The following MYO9A variants were observed in gnomAD, a reference collection of about 807,000 sequenced individuals.
MYO9A encodes myosin IXA.
Under a neutral mutation model 293.3 loss-of-function variants are expected in MYO9A, and 103 were observed. That is an observed-to-expected ratio of 0.35 (90% confidence interval 0.30 to 0.41). The LOEUF is 0.41. MYO9A is among the 10% of genes least tolerant of loss of function. The pLI, the probability that MYO9A is intolerant of heterozygous loss-of-function variation, is 1.00. For missense variants in MYO9A, 2,685 were observed against 3,033.0 expected, an observed-to-expected ratio of 0.89 and a Z score of 2.69; for synonymous variants, 1,001 against 1,035.7, an observed-to-expected ratio of 0.97 and a Z score of 0.64.
intron 39 of MYO9A, among the ~76,000 whole-genome samples, chr15:71,839,029 G>A (rs1404706161): frequency 6.6e-6 from 1 of 152,058 alleles, no homozygotes; most frequent in East Asian, 1.9e-4. Flanking sequence ...GCTTCTTTCT[G>A]GCTTGTTTTC....
At chr15:71,973,291 C>T (rs969566899) in intron 12 of MYO9A, among the ~76,000 whole-genome samples, 4 of 152,214 alleles carry the variant, frequency 2.6e-5, no homozygotes, top group East Asian at 1.9e-4. Context: ...TCTGACCAAC[C>T]AGCTTCTCCT....
intron 1 of MYO9A, among the ~76,000 whole-genome samples, chr15:72,078,929 C>A (rs1279983850): frequency 1.3e-5 from 2 of 152,028 alleles, no homozygotes; most frequent in African/African-American, 4.8e-5. Flanking sequence ...AAAACTATGG[C>A]GACAGCAAGA....
chr15:71,930,495 T>A (rs574183500), intron 18 of MYO9A, among the ~76,000 whole-genome samples: 2 of 152,116 alleles, frequency 1.3e-5, no homozygotes, highest in African/African-American at 2.4e-5. Flanking sequence ...CTTTATTTTG[T>A]CTGTTATAAG....
At chr15:71,989,920 T>C (rs934153317) in intron 11 of MYO9A, among the ~76,000 whole-genome samples, 2 of 151,724 alleles carry the variant, frequency 1.3e-5, no homozygotes, top group Non-Finnish European at 2.9e-5. Flanking sequence ...GTCCCAGCTC[T>C]TGAGTGGCTG....
intron 32 of MYO9A, among the ~76,000 whole-genome samples, chr15:71,864,410 A>T (rs906373125): frequency 9.2e-5 from 14 of 152,338 alleles, no homozygotes; most frequent in African/African-American, 3.1e-4. Flanking sequence ...GTCACTTGGA[A>T]AACAGCATGG....
chr15:71,891,684 G>C (rs1216667879), intron 26 of MYO9A: 1 of 152,126 alleles, frequency 6.6e-6, no homozygotes, highest in Non-Finnish European at 1.5e-5. Context: ...TAATCCTACA[G>C]TTCGGCTCAG....
chr15:71,981,641 G>GTCTCTCTCTCTCTCTCTCTC (rs142432028), intron 11 of MYO9A, among the ~76,000 whole-genome samples: 56 of 144,486 alleles, frequency 3.9e-4, no homozygotes, highest in Non-Finnish European at 6.9e-4. Flanking sequence ...TCTCTGTCTT[G>GTCTCTCTCTCTCTCTCTCTC]TCTCTCTCTC....
Position 72,046,044 on chromosome 15 carries a change from T to C in MYO9A, c.520A>G (p.Lys174Glu). ...ATACTGCCAACATAGGTATAAATTT[T>C]TTCATGCTTAAAGCGATTTCGTAGG... ...ENLRNRFKHE[K>E]IYTYVGSILI... Residue 174 changes from lysine (K) to glutamate (E), a missense_variant, in exon 2 of 42, where the codon AAA becomes GAA. Physicochemically the swap from Lys to Glu is moderately conservative, Grantham distance 56 (BLOSUM62 1). This residue lies in a region of MYO9A where 289 missense variants were observed against 456.8 expected (regional missense o/e 0.63). Coordinates refer to ENST00000356056, the MANE Select transcript of MYO9A (RefSeq NM_006901.4). The C allele has an allele frequency of 6.2e-7, 1 of 1,613,390 alleles. No individual in the cohort carries two copies. Among genetic ancestry groups the C allele is most frequent in the Non-Finnish European group, 8.5e-7 (1 of 1,179,784 alleles).
At chr15:71,830,376 T>C (rs1398675595) in intron 39 of MYO9A, 65 bp from the exon 40 acceptor site, 1 of 1,457,752 alleles carries the variant, frequency 6.9e-7, no homozygotes, top group East Asian at 2.3e-5. Context: ...ATTGCTCTTT[T>C]AGGATAACAA....
intron 1 of MYO9A, among the ~76,000 whole-genome samples, chr15:72,059,195 T>C (rs926899712): frequency 6.6e-6 from 1 of 152,208 alleles, no homozygotes; most frequent in Non-Finnish European, 1.5e-5. Context: ...TCAAAGTTCC[T>C]CTTGGGGAAA....
intron 32 of MYO9A, among the ~76,000 whole-genome samples, chr15:71,867,798 TCACACACACA>T (rs57300333): frequency 0.073 from 9,304 of 127,534 alleles, 962 homozygotes; most frequent in African/African-American, 0.24. Flanking sequence ...TGGGAATCCA[TCACACACACA>T]CACACACACA....
intron 2 of MYO9A, among the ~76,000 whole-genome samples, chr15:72,034,082 G>T (rs2077964334): frequency 6.6e-6 from 1 of 152,160 alleles, no homozygotes; most frequent in Admixed American, 6.6e-5. Flanking sequence ...TACAAGACAA[G>T]GCGAGGACGT....
intron 1 of MYO9A, among the ~76,000 whole-genome samples, chr15:72,116,011 T>TA (rs980793440): frequency 5.4e-4 from 82 of 152,058 alleles, no homozygotes; most frequent in African/African-American, 1.8e-3. Flanking sequence ...TAGTATTAAG[T>TA]AAAAAAAACA....
At chr15:71,860,891 T>A (rs1001614264) in intron 33 of MYO9A, among the ~76,000 whole-genome samples, 1 of 136,600 alleles carries the variant, frequency 7.3e-6, no homozygotes, top group Non-Finnish European at 1.5e-5. Flanking sequence ...CACTTAAACC[T>A]GGAAGGCGGA....
intron 1 of MYO9A, among the ~76,000 whole-genome samples, chr15:72,087,569 CCTGGTG>C (rs2079779464): frequency 6.6e-6 from 1 of 152,162 alleles, no homozygotes; most frequent in Non-Finnish European, 1.5e-5. Context: ...AGGAACAAGT[CCTGGTG>C]CATAGTAGCC....
intron 4 of MYO9A, among the ~76,000 whole-genome samples, chr15:72,025,591 C>T (rs2077640987): frequency 6.6e-6 from 1 of 152,120 alleles, no homozygotes; most frequent in Non-Finnish European, 1.5e-5. Flanking sequence ...CTCAAATGAT[C>T]TGCCTGCCTT....
intron 1 of MYO9A, among the ~76,000 whole-genome samples, chr15:72,061,284 A>C (rs888471686): frequency 4.6e-5 from 7 of 151,772 alleles, no homozygotes; most frequent in Admixed American, 6.6e-5. Flanking sequence ...ACCGTGAGAG[A>C]CTCCTTCTGC....
At chr15:71,861,110 C>T (rs2056106628) in intron 33 of MYO9A, among the ~76,000 whole-genome samples, 1 of 151,146 alleles carries the variant, frequency 6.6e-6, no homozygotes, top group Admixed American at 6.6e-5. Context: ...AAATACATTA[C>T]AAACTACTTC....
chr15:72,079,667 A>G (rs1052349627), intron 1 of MYO9A, among the ~76,000 whole-genome samples: 5 of 152,208 alleles, frequency 3.3e-5, no homozygotes, highest in African/African-American at 1.2e-4. Context: ...GAAGGGAATG[A>G]AAGGAAAAGA....
Sources: gnomAD v4.1 joint callset for allele counts (sites outside exome capture counted in the v4.1 genomes callset) on GRCh38, gnomAD v4.1.1 for gene constraint, gnomAD v4.1.1 regional missense constraint, MANE v1.5 for transcripts, NCBI Gene and HGNC (gene_info 2026-07-23, HGNC 2026-07-21) for gene names.